The following ABLIM3 variants were observed in gnomAD, a reference collection of about 807,000 sequenced individuals.
The protein encoded by ABLIM3 is actin binding LIM protein family member 3.
In ABLIM3, 61 loss-of-function variants were observed where a neutral mutation model predicts 109.5. That is an observed-to-expected ratio of 0.56 (90% confidence interval 0.45 to 0.69). ABLIM3 has a LOEUF of 0.69. Ranked by LOEUF, ABLIM3 falls within the 30% of genes least tolerant of loss-of-function variation. The pLI is 0.00. For synonymous variants in ABLIM3, 300 were observed against 324.8 expected, an observed-to-expected ratio of 0.92 and a Z score of 0.82; for missense variants, 796 against 889.5, an observed-to-expected ratio of 0.89 and a Z score of 1.34.
intron 5 of ABLIM3, among the ~76,000 whole-genome samples, chr5:149,201,252 AC>A (rs1758460831): frequency 6.6e-6 from 1 of 151,940 alleles, no homozygotes. Context: ...ACACACATAG[AC>A]CCTGCCCCCT....
intron 3 of ABLIM3, among the ~76,000 whole-genome samples, chr5:149,196,214 A>C (rs1239073394): frequency 1.3e-5 from 2 of 152,192 alleles, no homozygotes; most frequent in Admixed American, 1.3e-4. Context: ...TTAAGCCTCC[A>C]GTCCCCAAAG....
intron 18 of ABLIM3, among the ~76,000 whole-genome samples, chr5:149,248,251 C>A (rs1487044515): frequency 6.6e-6 from 1 of 152,186 alleles, no homozygotes; most frequent in Non-Finnish European, 1.5e-5. Flanking sequence ...CCCTGCAATG[C>A]CCCTTCTGGG....
At chr5:149,142,232 G>C (rs1222923545) in intron 2 of ABLIM3, 124 bp downstream of exon 2, 2 of 1,382,438 alleles carry the variant, frequency 1.4e-6, no homozygotes, top group Non-Finnish European at 2.1e-6. Context: ...TGACCCCCAG[G>C]CTCTTTTTTG....
chr5:149,191,521 T>TAGAA lies in ABLIM3; in HGVS notation c.152-6695_152-6692dup, dbSNP rs373358812. On this transcript the variant is annotated intron_variant, in intron 3 of 23. Coordinates refer to ENST00000309868, the MANE Select transcript of ABLIM3 (RefSeq NM_014945.5). ...TCAAAAACAAATCATCTATGTCTTATAGAAAGTCTTTCAGAGAAGAGAAAA... is the reference window on the plus strand; with the variant it reads ...TCAAAAACAAATCATCTATGTCTTATAGAAAGAAAGTCTTTCAGAGAAGAGAAAA... 4.1e-3 allele frequency among the ~76,000 whole-genome samples: 629 copies of TAGAA among 151,864 alleles called. 1 individual carries two copies. The highest frequency in any genetic ancestry group is 8.5e-3 in the South Asian group (41 of 4,820).
chr5:149,171,060 G>T (rs1202417808), intron 2 of ABLIM3, among the ~76,000 whole-genome samples: 1 of 152,052 alleles, frequency 6.6e-6, no homozygotes, highest in African/African-American at 2.4e-5. Context: ...TGTCCTCTCT[G>T]ATTCTTTTAC....
intron 2 of ABLIM3, chr5:149,177,222 C>T (rs998556095): frequency 6.6e-6 from 1 of 152,154 alleles, no homozygotes; most frequent in Non-Finnish European, 1.5e-5. Context: ...CCTCCCAGGC[C>T]CTTTCTGCTC....
intron 23 of ABLIM3, among the ~76,000 whole-genome samples, chr5:149,254,789 C>T (rs751237947): frequency 6.6e-6 from 1 of 152,182 alleles, no homozygotes; most frequent in Non-Finnish European, 1.5e-5. Flanking sequence ...GGGATGGAAA[C>T]ATTCTCCAGG....
In ABLIM3 at chr5:149,213,196, C is replaced by T. The variant is rs143796554; in HGVS notation, c.669+2377C>T. 3.4e-3 allele frequency among the ~76,000 whole-genome samples: 525 copies of T among 152,262 alleles called. 2 individuals carry two copies. Among genetic ancestry groups the T allele is most frequent in the Non-Finnish European group, 6.0e-3 (405 of 68,006 alleles). ...GGCCTGGAGGAGCCAATCTTAAAAA[C>T]GTGAGGCTTTGAATAATAGCACCAC... On this transcript the variant is annotated intron_variant, in intron 7 of 23. Transcript: ENST00000309868.
intron 8 of ABLIM3, among the ~76,000 whole-genome samples, chr5:149,227,328 C>T (rs932903182): frequency 2.2e-4 from 33 of 152,300 alleles, no homozygotes; most frequent in African/African-American, 7.7e-4. Flanking sequence ...CCTTCACTTC[C>T]ATAACCTTCA....
rs1210827603 is a variant in ABLIM3, at chr5:149,258,729, CTT to C, written c.*326_*327del. Reference sequence around the variant, plus strand: ...AAAGAAGGTGCCTGAAGAAGTCTCTCTTCTCTCTGCTTCGTGGCCCCTTTCTT... The same window carrying C: ...AAAGAAGGTGCCTGAAGAAGTCTCTCCTCTCTGCTTCGTGGCCCCTTTCTT... On this transcript the variant is annotated 3_prime_UTR_variant, in exon 24 of 24. Coordinates refer to ENST00000309868, the MANE Select transcript of ABLIM3 (RefSeq NM_014945.5). 2.9e-6 allele frequency: 3 copies of C among 1,018,764 alleles called. No individual in the cohort carries two copies. In the African/African-American group the frequency reaches 5.2e-5, roughly 17 times the overall value. 63.1% of individuals were successfully genotyped at this position (1,018,764 alleles called of 1,614,324 possible).
At position 149,247,775 on chromosome 5, in the gene ABLIM3, C is replaced by T; in HGVS notation, c.1552-7C>T. The T allele has an allele frequency of 1.2e-6, 2 of 1,614,234 alleles. No individual in the cohort carries two copies. The stretch of plus-strand genomic sequence containing the variant: ...CTAACTTTATCTTGCTCTTCCCCGA[C>T]CCTCAGCTCCAAAGTGGAATTGGCC... On this transcript the variant is annotated splice_region_variant and splice_polypyrimidine_tract_variant and intron_variant, in intron 17 of 23. Transcript: ENST00000309868.
At chr5:149,156,085 G>T (rs906560509) in intron 2 of ABLIM3, among the ~76,000 whole-genome samples, 17 of 152,342 alleles carry the variant, frequency 1.1e-4, no homozygotes, top group Non-Finnish European at 7.3e-5. Context: ...GCTCCCAGTT[G>T]TTCTGCAGCC....
chr5:149,177,839 G>A (rs1252551184), intron 2 of ABLIM3, among the ~76,000 whole-genome samples: 1 of 152,130 alleles, frequency 6.6e-6, no homozygotes, highest in Non-Finnish European at 1.5e-5. Flanking sequence ...TGCTTATTGA[G>A]GCCAAGCAAT....
chr5:149,162,019 G>GCTCATCTAT (rs1561541583), intron 2 of ABLIM3, among the ~76,000 whole-genome samples: 2 of 152,092 alleles, frequency 1.3e-5, no homozygotes, highest in African/African-American at 2.4e-5. Context: ...GCCTCAGTTT[G>GCTCATCTAT]CTCATCTATA....
chr5:149,169,045 A>C (rs1490071103), intron 2 of ABLIM3, among the ~76,000 whole-genome samples: 1 of 134,140 alleles, frequency 7.5e-6, no homozygotes, highest in Non-Finnish European at 1.5e-5. Flanking sequence ...CCTTGAAGGA[A>C]TCTGTTCCAG....
chr5:149,154,424 A>G (rs2127438014), intron 2 of ABLIM3, among the ~76,000 whole-genome samples: 1 of 152,278 alleles, frequency 6.6e-6, no homozygotes, highest in East Asian at 1.9e-4. Context: ...ATGTAGGGAG[A>G]AGGAACTTGA....
chr5:149,258,144 T>G (rs1223476420), intron 23 of ABLIM3, 147 bp from the exon 24 acceptor site: 1 of 603,968 alleles, frequency 1.7e-6, no homozygotes, highest in Admixed American at 3.1e-5. Flanking sequence ...CATCACACAT[T>G]CCCCAGGCTC....
Position 149,256,889 on chromosome 5 carries a change from G to T in ABLIM3, c.1939-1402G>T, listed in dbSNP as rs151142599. Reference sequence around the variant, plus strand: ...ATTTTTTTAATGGGGTTGACCAAGAGGGGCAGTGAGAATGTAATGCATTTT... The same window carrying T: ...ATTTTTTTAATGGGGTTGACCAAGATGGGCAGTGAGAATGTAATGCATTTT... On this transcript the variant is annotated intron_variant, in intron 23 of 23. Transcript: ENST00000309868. Among the ~76,000 whole-genome samples the T allele has an allele frequency of 2.5e-3, 388 of 152,272 alleles. 2 individuals are homozygous for T. The highest frequency in any genetic ancestry group is 8.9e-3 in the African/African-American group (370 of 41,558).
chr5:149,239,690 C>G, intron 12 of ABLIM3, 69 bp from the exon 13 acceptor site: 1 of 1,511,992 alleles, frequency 6.6e-7, no homozygotes, highest in Non-Finnish European at 8.8e-7. Flanking sequence ...GCCCACCTGC[C>G]TGCTAGACCC....
Sources: gnomAD v4.1 joint callset for allele counts (sites outside exome capture counted in the v4.1 genomes callset) on GRCh38, gnomAD v4.1.1 for gene constraint, MANE v1.5 for transcripts, NCBI Gene and HGNC (gene_info 2026-07-23, HGNC 2026-07-21) for gene names.